MITF: variants seen among roughly 807,000 people sequenced by gnomAD.
MITF encodes microphthalmia-associated transcription factor.
In MITF, 17 loss-of-function variants were observed where a neutral mutation model predicts 60.5. The ratio of observed to expected loss-of-function variants is 0.28; its 90% CI spans 0.19 to 0.42. The LOEUF is 0.42. Ranked by LOEUF, MITF falls within the 10% of genes least tolerant of loss-of-function variation. The probability of loss-of-function intolerance (pLI) is 1.00; values close to 1 mark genes in which losing one functional copy is unlikely to be tolerated. For missense variants in MITF, 622 were observed against 683.5 expected (o/e 0.91, Z 1.00); for synonymous variants, 260 against 248.5 (o/e 1.05, Z -0.43).
At chr3:69,759,202 G>A (rs2062175615) in intron 1 of MITF, among the ~76,000 whole-genome samples, 1 of 152,140 alleles carries the variant, frequency 6.6e-6, no homozygotes, top group Non-Finnish European at 1.5e-5. Context: ...GTGTTTCTGT[G>A]TAAAGACACA....
At chr3:69,759,780 G>A (rs925289009) in intron 1 of MITF, among the ~76,000 whole-genome samples, 25 of 152,112 alleles carry the variant, frequency 1.6e-4, no homozygotes, top group African/African-American at 2.7e-4. Context: ...GTACCTGATC[G>A]CTCTCTTTTT....
intron 2 of MITF, among the ~76,000 whole-genome samples, chr3:69,896,112 CT>C (rs1173126974): frequency 6.6e-6 from 1 of 152,070 alleles, no homozygotes; most frequent in Non-Finnish European, 1.5e-5. Context: ...CACTGTGTTT[CT>C]TTAACATGAA....
intron 1 of MITF, among the ~76,000 whole-genome samples, chr3:69,772,945 G>C (rs2062415338): frequency 6.6e-6 from 1 of 152,166 alleles, no homozygotes; most frequent in Admixed American, 6.5e-5. Flanking sequence ...AGCAGATGTA[G>C]AAATAAATAT....
chr3:69,833,847 T>G (rs1285662513), intron 1 of MITF, among the ~76,000 whole-genome samples: 1 of 152,250 alleles, frequency 6.6e-6, no homozygotes, highest in Admixed American at 6.5e-5. Context: ...TTGTTTGCCT[T>G]TTTATTGCCT....
At position 69,949,039 on chromosome 3, in the gene MITF, GTC is replaced by G; in HGVS notation, c.763-4_763-3del. 1 of 1,582,498 alleles carries G rather than the reference GTC, an allele frequency of 6.3e-7. No homozygotes were observed. The highest frequency in any genetic ancestry group is 8.7e-7 in the Non-Finnish European group (1 of 1,151,498). ...CAACAGTTAATTTCTGTTACTGTTT[GTC>G]TCTCTCTAGTTGCCTGTCTCGGGAA... On this transcript the variant is annotated splice_polypyrimidine_tract_variant and intron_variant, in intron 5 of 9. Coordinates refer to ENST00000352241, the MANE Select transcript of MITF (RefSeq NM_001354604.2).
chr3:69,961,172 CAGGAGT>C (rs1434207746), intron 9 of MITF, among the ~76,000 whole-genome samples: 1 of 151,974 alleles, frequency 6.6e-6, no homozygotes, highest in Non-Finnish European at 1.5e-5. Flanking sequence ...ATCACAAGAT[CAGGAGT>C]TCAAGACCAG....
intron 1 of MITF, among the ~76,000 whole-genome samples, chr3:69,759,967 A>G (rs571553616): frequency 2.6e-5 from 4 of 152,232 alleles, no homozygotes; most frequent in Admixed American, 2.0e-4. Context: ...TTTAGTAGAG[A>G]CGGGGTTTCA....
At chr3:69,959,914 A>T (rs908566692) in intron 9 of MITF, among the ~76,000 whole-genome samples, 5 of 152,246 alleles carry the variant, frequency 3.3e-5, no homozygotes, top group African/African-American at 1.2e-4. Flanking sequence ...AGCTTCGTTC[A>T]GGCATGAGCT....
rs760905905 is a variant in MITF, at chr3:69,866,250, C to G, written c.105-12884C>G. Reference sequence around the variant, plus strand: ...GTGCCAGAACTAACTTTGACTTTCACTCTTCGCCAAGGGCTTGCAGAACAC... The same window carrying G: ...GTGCCAGAACTAACTTTGACTTTCAGTCTTCGCCAAGGGCTTGCAGAACAC... On this transcript the variant is annotated intron_variant, in intron 1 of 9. Transcript: ENST00000352241. 1.2e-5 allele frequency: 20 copies of G among 1,609,986 alleles called. No individual in the cohort carries two copies. In the Middle Eastern group the frequency reaches 6.6e-4, roughly 53 times the overall value.
At chr3:69,753,066 C>T (rs931034074) in intron 1 of MITF, among the ~76,000 whole-genome samples, 1 of 152,248 alleles carries the variant, frequency 6.6e-6, no homozygotes, top group African/African-American at 2.4e-5. Flanking sequence ...CCATCATGGG[C>T]CCAGAAGCCT....
At chr3:69,886,271 A>C (rs2064615266) in intron 2 of MITF, among the ~76,000 whole-genome samples, 1 of 152,118 alleles carries the variant, frequency 6.6e-6, no homozygotes. Flanking sequence ...ACACTACCTG[A>C]AGCACCTTGG....
chr3:69,896,904 T>TC (rs35804430), intron 2 of MITF, among the ~76,000 whole-genome samples: 1 of 152,096 alleles, frequency 6.6e-6, no homozygotes, highest in Non-Finnish European at 1.5e-5. Context: ...GAGGGACGTA[T>TC]CCCTGTAGTG....
At position 69,937,901 on chromosome 3, in the gene MITF, C is replaced by T. The variant is rs764892628; in HGVS notation, c.434C>T (p.Thr145Ile). The change falls in exon 3 of 10, where the codon ACC becomes ATC. Residue 145 changes from threonine (T) to isoleucine (I), a missense_variant. Physicochemically the swap from Thr to Ile is moderately conservative, Grantham distance 89. Around this residue, in one of 5 missense-constraint regions of MITF, gnomAD observed 215 missense variants for 224.8 expected, o/e 0.96. Coordinates refer to ENST00000352241, the MANE Select transcript of MITF (RefSeq NM_001354604.2). ...CAGCAGGTAAAGCAGTACCTTTCTA[C>T]CACTTTAGCAAATAAACATGCCAAC... Reference protein sequence around the residue: ...QRQQVKQYLSTTLANKHANQV... With the variant: ...QRQQVKQYLSITLANKHANQV... The T allele has an allele frequency of 6.2e-7, 1 of 1,614,132 alleles. No individual in the cohort carries two copies. Among genetic ancestry groups the T allele is most frequent in the Admixed American group, 1.7e-5 (1 of 60,018 alleles).
intron 1 of MITF, among the ~76,000 whole-genome samples, chr3:69,798,841 C>T (rs2062872009): frequency 6.6e-6 from 1 of 152,248 alleles, no homozygotes; most frequent in African/African-American, 2.4e-5. Context: ...TTCTACCTCT[C>T]CTTCCACCCT....
At chr3:69,743,868 A>G (rs1175314142) in intron 1 of MITF, among the ~76,000 whole-genome samples, 2 of 152,238 alleles carry the variant, frequency 1.3e-5, no homozygotes, top group African/African-American at 2.4e-5. Context: ...CCGTAGGAGC[A>G]TCTTTCAGGC....
chr3:69,911,548 A>G (rs761505069), intron 2 of MITF, among the ~76,000 whole-genome samples: 11 of 152,202 alleles, frequency 7.2e-5, no homozygotes, highest in Non-Finnish European at 1.3e-4. Context: ...AAATAGGAGA[A>G]CCATATTGAT....
chr3:69,927,722 T>C (rs2065625964), intron 2 of MITF, among the ~76,000 whole-genome samples: 1 of 152,142 alleles, frequency 6.6e-6, no homozygotes, highest in African/African-American at 2.4e-5. Context: ...TTGGTTGTCA[T>C]AACTGGAGTG....
chr3:69,768,325 A>C (rs1402711360), intron 1 of MITF, among the ~76,000 whole-genome samples: 2 of 152,234 alleles, frequency 1.3e-5, no homozygotes, highest in Non-Finnish European at 2.9e-5. Flanking sequence ...GCATGTACAC[A>C]CACAGACACA....
intron 1 of MITF, among the ~76,000 whole-genome samples, chr3:69,813,361 C>T (rs1206333578): frequency 6.6e-6 from 1 of 152,186 alleles, no homozygotes; most frequent in Admixed American, 6.5e-5. Flanking sequence ...CTCTGGGAAG[C>T]GCTGTTGCAA....
Sources: allele counts gnomAD v4.1 joint callset (sites outside exome capture counted in the v4.1 genomes callset), GRCh38; gene constraint gnomAD v4.1.1; regional missense constraint gnomAD v4.1.1; transcripts MANE v1.5; gene names NCBI Gene and HGNC (gene_info 2026-07-23, HGNC 2026-07-21).